Variants in TG observed in about 807,000 individuals in gnomAD.
TG encodes the protein thyroid hormones.
A neutral mutation model predicts 324.7 loss-of-function variants in TG; 270 were observed. The ratio of observed to expected loss-of-function variants is 0.83; its 90% confidence interval spans 0.75 to 0.92. The LOEUF (loss-of-function observed/expected upper bound fraction) is 0.92, where lower values mean the gene tolerates loss of function less well. Ranked by LOEUF, TG falls within the 40% of genes least tolerant of loss-of-function variation. The probability of loss-of-function intolerance (pLI) is 0.00; values close to 1 mark genes in which losing one functional copy is unlikely to be tolerated. For missense variants in TG, 3,591 were observed against 3,456.4 expected (o/e 1.04, Z -0.98); for synonymous variants, 1,401 against 1,327.0 (o/e 1.06, Z -1.21).
rs200596684 is a variant in TG, at chr8:132,887,588, C to T, written c.2176+40C>T. On this transcript the variant is annotated intron_variant, in intron 9 of 47. Coordinates refer to ENST00000220616, the MANE Select transcript of TG (RefSeq NM_003235.5). Reference sequence around the variant, plus strand: ...TATTCAATCTGTAGGTTCCCTGAGTCTCTCTTTAGGCCCTGACCCAATGCA... The same window carrying T: ...TATTCAATCTGTAGGTTCCCTGAGTTTCTCTTTAGGCCCTGACCCAATGCA... The T allele has an allele frequency of 6.6e-4, 1,066 of 1,613,894 alleles. 7 individuals carry two copies. The highest frequency in any genetic ancestry group is 1.9e-4 in the Non-Finnish European group (223 of 1,179,906).
intron 43 of TG, among the ~76,000 whole-genome samples, chr8:133,100,476 C>A (rs1473142161): frequency 6.6e-6 from 1 of 152,228 alleles, no homozygotes; most frequent in Non-Finnish European, 1.5e-5. Flanking sequence ...ACACAATAGA[C>A]ATTCACTAGG....
chr8:133,124,617 G>A (rs1175538041), intron 45 of TG, among the ~76,000 whole-genome samples: 6 of 152,170 alleles, frequency 3.9e-5, no homozygotes, highest in Non-Finnish European at 1.5e-5. Context: ...TCAAGATCAT[G>A]TCCATTAAAC....
Position 133,052,322 on chromosome 8 carries a change from G to A in TG, c.7239+22299G>A, listed in dbSNP as rs71526272. On this transcript the variant is annotated intron_variant, in intron 41 of 47. Transcript: ENST00000220616. Reference sequence around the variant, plus strand: ...GTGGAACAGTGCAGTCAAATGTATTGTTCATTTGGGGAAGCTGAGTCCCTG... The same window carrying A: ...GTGGAACAGTGCAGTCAAATGTATTATTCATTTGGGGAAGCTGAGTCCCTG... Among the ~76,000 whole-genome samples the A allele has an allele frequency of 2.2e-3, 336 of 152,342 alleles. 1 individual carries two copies. The highest frequency in any genetic ancestry group is 3.7e-3 in the Non-Finnish European group (255 of 68,026).
chr8:132,981,416 T>G (rs1005377404), intron 34 of TG, among the ~76,000 whole-genome samples: 1 of 152,212 alleles, frequency 6.6e-6, no homozygotes, highest in African/African-American at 2.4e-5. Flanking sequence ...TTGAATGCCC[T>G]CAACATAGAT....
At chr8:132,991,957 A>T (rs1832395563) in intron 35 of TG, among the ~76,000 whole-genome samples, 1 of 152,162 alleles carries the variant, frequency 6.6e-6, no homozygotes, top group African/African-American at 2.4e-5. Context: ...AAACTGAGAA[A>T]GGTGAGGAAA....
At chr8:133,006,167 C>G (rs945867507) in intron 35 of TG, among the ~76,000 whole-genome samples, 1 of 152,222 alleles carries the variant, frequency 6.6e-6, no homozygotes. Context: ...AGTTAAGGGA[C>G]TTGCCTGAGG....
At chr8:133,066,703 G>A (rs1843086505) in intron 41 of TG, among the ~76,000 whole-genome samples, 1 of 152,136 alleles carries the variant, frequency 6.6e-6, no homozygotes, top group African/African-American at 2.4e-5. Flanking sequence ...TGTATCGCTG[G>A]GCAAGTTAGT....
intron 2 of TG, among the ~76,000 whole-genome samples, chr8:132,868,513 C>T (rs771337730): frequency 2.6e-5 from 4 of 152,186 alleles, no homozygotes; most frequent in Non-Finnish European, 4.4e-5. Context: ...TCTGTGATGG[C>T]TTGAATAAAC....
At chr8:133,049,147 A>T (rs1181449980) in intron 41 of TG, 1 of 456,348 alleles carries the variant, frequency 2.2e-6, no homozygotes, top group African/African-American at 2.0e-5. Flanking sequence ...AGGGCTCCAA[A>T]GCCACCCAGG....
intron 27 of TG, 64 bp from the exon 28 acceptor site, chr8:132,960,944 A>G (rs554134937): frequency 6.7e-7 from 1 of 1,483,858 alleles, no homozygotes; most frequent in Non-Finnish European, 9.4e-7. Flanking sequence ...GGGCTATTGC[A>G]GTAATGGTGG....
chr8:133,057,294 C>T (rs147856505), intron 41 of TG, among the ~76,000 whole-genome samples: 147 of 152,184 alleles, frequency 9.7e-4, no homozygotes, highest in Admixed American at 1.6e-3. Flanking sequence ...CTGACCACAG[C>T]GGGACTTCCC....
intron 31 of TG, 106 bp downstream of exon 31, chr8:132,968,076 AT>A: frequency 7.3e-7 from 1 of 1,363,406 alleles, no homozygotes; most frequent in Non-Finnish European, 1.0e-6. Context: ...CATTTTCTTT[AT>A]ACTTTTATTG....
intron 37 of TG, among the ~76,000 whole-genome samples, chr8:133,016,822 A>G (rs537320356): frequency 6.6e-6 from 1 of 152,344 alleles, no homozygotes; most frequent in South Asian, 2.1e-4. Flanking sequence ...AGTTTACCAG[A>G]TCAATCAATG....
At chr8:133,055,399 A>ACG (rs1564126674) in intron 41 of TG, among the ~76,000 whole-genome samples, 19 of 150,720 alleles carry the variant, frequency 1.3e-4, no homozygotes, top group African/African-American at 4.7e-4. Flanking sequence ...ACACACACAC[A>ACG]CACACACAGG....
chr8:132,991,324 G>T (rs1266982800), intron 35 of TG, among the ~76,000 whole-genome samples: 1 of 152,034 alleles, frequency 6.6e-6, no homozygotes, highest in Non-Finnish European at 1.5e-5. Flanking sequence ...GCCTTTAAAC[G>T]CTGTGCACCA....
chr8:133,057,015 G>A (rs908608678), intron 41 of TG, among the ~76,000 whole-genome samples: 2 of 152,156 alleles, frequency 1.3e-5, no homozygotes, highest in East Asian at 1.9e-4. Context: ...CAGGTGGTGC[G>A]AAGACCACTT....
At chr8:133,065,901 G>T (rs971360106) in intron 41 of TG, among the ~76,000 whole-genome samples, 2 of 152,178 alleles carry the variant, frequency 1.3e-5, no homozygotes, top group Non-Finnish European at 2.9e-5. Flanking sequence ...ATGTCACTTG[G>T]CAGTGTTTGG....
chr8:133,019,650 C>G lies in TG; in HGVS notation c.6831C>G (p.Val2277=). The G allele has an allele frequency of 6.2e-7, 1 of 1,613,748 alleles. No individual in the cohort carries two copies. The highest frequency in any genetic ancestry group is 8.5e-7 in the Non-Finnish European group (1 of 1,179,804). ...CCAGAACATCCACGTCTCCTGGAGT[C>G]AGTGAAGATTGTTTGTATCTCAATG... is the stretch of plus-strand genomic sequence containing the variant. The part of the protein sequence containing the change: ...PGTRTSTSPG[V]SEDCLYLNVF... The change falls in exon 39 of 48, where the codon GTC becomes GTG. Residue 2277 remains valine (V), a synonymous_variant. Coordinates refer to ENST00000220616, the MANE Select transcript of TG (RefSeq NM_003235.5).
intron 41 of TG, among the ~76,000 whole-genome samples, chr8:133,055,874 G>A (rs1370118234): frequency 6.7e-6 from 1 of 149,974 alleles, no homozygotes; most frequent in East Asian, 2.0e-4. Context: ...CAGCAGCAGG[G>A]CGCACAGCTC....
Sources: gnomAD v4.1 joint callset for allele counts (sites outside exome capture counted in the v4.1 genomes callset) on GRCh38, gnomAD v4.1.1 for gene constraint, MANE v1.5 for transcripts, NCBI Gene and HGNC (gene_info 2026-07-23, HGNC 2026-07-21) for gene names.